NSMCE2: variants seen among roughly 807,000 people sequenced by gnomAD.
NSMCE2 encodes NSE2 SUMO ligase component of SMC5/6 complex, also known as E3 SUMO-protein ligase NSE2.
NSMCE2 carries 24 observed loss-of-function variants against 23.8 expected under a neutral mutation model. The observed-to-expected ratio is 1.01, with a 90% CI of 0.73 to 1.42. NSMCE2 has a LOEUF of 1.42. NSMCE2 is among the 40% of genes most tolerant of loss of function. The probability of loss-of-function intolerance (pLI) is 0.00; values close to 1 mark genes in which losing one functional copy is unlikely to be tolerated. For synonymous variants in NSMCE2, 92 were observed against 94.1 expected, an observed-to-expected ratio of 0.98 and a Z score of 0.13; for missense variants, 284 against 296.5, an observed-to-expected ratio of 0.96 and a Z score of 0.31.
At chr8:125,242,217 G>A (rs1227303755) in intron 5 of NSMCE2, among the ~76,000 whole-genome samples, 3 of 152,062 alleles carry the variant, frequency 2.0e-5, no homozygotes, top group Non-Finnish European at 4.4e-5. Flanking sequence ...ATTGAACCTG[G>A]CAAACCCATG....
intron 1 of NSMCE2, among the ~76,000 whole-genome samples, chr8:125,092,578 G>C (rs1437361952): frequency 6.6e-6 from 1 of 152,194 alleles, no homozygotes; most frequent in African/African-American, 2.4e-5. Flanking sequence ...GTAGCATGAG[G>C]GAGGGAAAAG....
At chr8:125,161,020 G>A (rs1021938444) in intron 4 of NSMCE2, among the ~76,000 whole-genome samples, 2 of 152,210 alleles carry the variant, frequency 1.3e-5, no homozygotes, top group Admixed American at 6.5e-5. Context: ...GCGAGAGAAC[G>A]AGAAGGATAT....
intron 5 of NSMCE2, among the ~76,000 whole-genome samples, chr8:125,194,120 C>T (rs1454968997): frequency 6.6e-6 from 1 of 152,118 alleles, no homozygotes; most frequent in African/African-American, 2.4e-5. Flanking sequence ...TTAATTTTCA[C>T]AACAACTTAG....
At chr8:125,190,693 T>G (rs954969136) in intron 5 of NSMCE2, among the ~76,000 whole-genome samples, 2 of 152,196 alleles carry the variant, frequency 1.3e-5, no homozygotes, top group Non-Finnish European at 1.5e-5. Flanking sequence ...TACTCTGCAT[T>G]CATCTTAGGT....
intron 7 of NSMCE2, among the ~76,000 whole-genome samples, chr8:125,364,141 G>A (rs557984424): frequency 6.6e-5 from 10 of 151,950 alleles, no homozygotes; most frequent in Non-Finnish European, 1.2e-4. Context: ...ATAGGGTTTC[G>A]CCATGTTGGC....
chr8:125,265,470 G>A (rs1826873024), intron 5 of NSMCE2, among the ~76,000 whole-genome samples: 1 of 152,092 alleles, frequency 6.6e-6, no homozygotes, highest in African/African-American at 2.4e-5. Context: ...ATCCACCCAT[G>A]TCGGCCTCCA....
At chr8:125,324,393 C>G (rs912204324) in intron 5 of NSMCE2, among the ~76,000 whole-genome samples, 11 of 150,632 alleles carry the variant, frequency 7.3e-5, no homozygotes, top group Non-Finnish European at 1.5e-4. Context: ...TTAGTTCAAA[C>G]TGGAAACAAG....
chr8:125,326,938 AT>A (rs1176056866), intron 5 of NSMCE2, among the ~76,000 whole-genome samples: 2 of 145,028 alleles, frequency 1.4e-5, no homozygotes, highest in East Asian at 2.1e-4. Context: ...CCTGGGTGAC[AT>A]GAGCAAAACT....
chr8:125,237,395 A>G (rs1825601036), intron 5 of NSMCE2, among the ~76,000 whole-genome samples: 1 of 152,210 alleles, frequency 6.6e-6, no homozygotes, highest in Non-Finnish European at 1.5e-5. Flanking sequence ...AAAGCTATTA[A>G]TGTCACTGTT....
chr8:125,253,963 C>A (rs951533626), intron 5 of NSMCE2, among the ~76,000 whole-genome samples: 22 of 152,080 alleles, frequency 1.4e-4, no homozygotes, highest in African/African-American at 4.6e-4. Context: ...ATAAGATTAT[C>A]CTAGTGTTCA....
chr8:125,125,957 C>G (rs1234001203), intron 3 of NSMCE2, among the ~76,000 whole-genome samples: 1 of 152,088 alleles, frequency 6.6e-6, no homozygotes, highest in Non-Finnish European at 1.5e-5. Flanking sequence ...TTGTAACGAG[C>G]AGTAAACTTC....
intron 5 of NSMCE2, among the ~76,000 whole-genome samples, chr8:125,284,268 A>C (rs779846285): frequency 0.031 from 4,739 of 152,050 alleles, 217 homozygotes; most frequent in African/African-American, 0.11. Flanking sequence ...AAGACAGAGT[A>C]TGTCTTCGAC....
chr8:125,095,076 C>G (rs1221367295), intron 1 of NSMCE2, among the ~76,000 whole-genome samples: 1 of 152,104 alleles, frequency 6.6e-6, no homozygotes, highest in Non-Finnish European at 1.5e-5. Flanking sequence ...GTCTCGAACT[C>G]CTGGGCTCAA....
chr8:125,359,395 G>A (rs1390107347), intron 7 of NSMCE2, among the ~76,000 whole-genome samples: 8 of 142,992 alleles, frequency 5.6e-5, no homozygotes, highest in African/African-American at 5.2e-5. Context: ...GTGCAATGGC[G>A]TGATCTCAGC....
chr8:125,113,971 A>G (rs1818880959), intron 3 of NSMCE2, among the ~76,000 whole-genome samples: 1 of 152,252 alleles, frequency 6.6e-6, no homozygotes, highest in African/African-American at 2.4e-5. Context: ...GTGAACCAAA[A>G]GAAGTAAATT....
intron 4 of NSMCE2, among the ~76,000 whole-genome samples, chr8:125,158,368 A>G (rs147049615): frequency 6.6e-6 from 1 of 152,302 alleles, no homozygotes; most frequent in East Asian, 1.9e-4. Context: ...CCCTCTGTGC[A>G]GTGATGATAT....
chr8:125,278,229 T>C (rs1443134296), intron 5 of NSMCE2, among the ~76,000 whole-genome samples: 2 of 152,224 alleles, frequency 1.3e-5, no homozygotes, highest in Non-Finnish European at 2.9e-5. Flanking sequence ...GTTAAGGGAA[T>C]TTTCCCAGCT....
At chr8:125,241,875 A>G (rs1011838562) in intron 5 of NSMCE2, among the ~76,000 whole-genome samples, 12 of 152,166 alleles carry the variant, frequency 7.9e-5, no homozygotes, top group Non-Finnish European at 2.9e-5. Flanking sequence ...AACAAGAGAG[A>G]CACCCTGTCT....
chr8:125,272,370 T>C (rs1295349276), intron 5 of NSMCE2, among the ~76,000 whole-genome samples: 1 of 151,702 alleles, frequency 6.6e-6, no homozygotes, highest in Non-Finnish European at 1.5e-5. Flanking sequence ...GTCCATCTTA[T>C]TATGTCACGT....
Sources: allele counts gnomAD v4.1 joint callset (sites outside exome capture counted in the v4.1 genomes callset), GRCh38; gene constraint gnomAD v4.1.1; transcripts MANE v1.5; gene names NCBI Gene and HGNC (gene_info 2026-07-23, HGNC 2026-07-21).